Variants in PREX1 observed in about 807,000 individuals in gnomAD.
PREX1 encodes phosphatidylinositol 3,4,5-trisphosphate-dependent Rac exchanger 1 protein.
PREX1 carries 41 observed loss-of-function variants against 198.3 expected under a neutral mutation model. The ratio of observed to expected loss-of-function variants is 0.21; its 90% confidence interval spans 0.16 to 0.27. The LOEUF (loss-of-function observed/expected upper bound fraction) is 0.27, where lower values mean the gene tolerates loss of function less well. PREX1 is among the 10% of genes least tolerant of loss of function. The pLI is 1.00. For missense variants in PREX1, 1,620 were observed against 2,200.7 expected, an observed-to-expected ratio of 0.74 and a Z score of 5.28; for synonymous variants, 843 against 887.2, an observed-to-expected ratio of 0.95 and a Z score of 0.89.
At chr20:48,838,490 C>A in the PREX1 span, among the ~76,000 whole-genome samples, 1 of 152,094 alleles carries the variant, frequency 6.6e-6, no homozygotes, top group Non-Finnish European at 1.5e-5. Flanking sequence ...AACCTAAATT[C>A]TCACAAGTAA....
the PREX1 span, among the ~76,000 whole-genome samples, chr20:48,874,768 G>A: frequency 5.3e-5 from 8 of 151,892 alleles, no homozygotes; most frequent in South Asian, 2.1e-4. Context: ...TCCCAGCTAC[G>A]GGGGAGGCTG....
At chr20:48,681,030 C>T (rs531511687) in intron 11 of PREX1, among the ~76,000 whole-genome samples, 1 of 152,314 alleles carries the variant, frequency 6.6e-6, no homozygotes, top group South Asian at 2.1e-4. Context: ...TCCCCTGCCC[C>T]CAGGTTTTTG....
At chr20:48,652,874 G>A (rs1309532747) in intron 20 of PREX1, among the ~76,000 whole-genome samples, 168 bp from the exon 21 acceptor site, 2 of 152,134 alleles carry the variant, frequency 1.3e-5, no homozygotes, top group Admixed American at 6.5e-5. Flanking sequence ...AGAAGCCAGG[G>A]GATGTGAAAA....
rs558477738 is a variant in PREX1, at chr20:48,659,837, T to C, written c.1881+82A>G. ...ACTCCAAGCTGAGCCCCCTTCCCTG[T>C]GCATAACCAGAAGGTCGCCCAGCTC... is the stretch of plus-strand genomic sequence containing the variant. On this transcript the variant is annotated intron_variant, in intron 16 of 39. Transcript: ENST00000371941. The C allele has an allele frequency of 2.3e-4, 359 of 1,587,490 alleles. 1 individual carries two copies. Among genetic ancestry groups the C allele is most frequent in the Non-Finnish European group, 3.1e-4 (356 of 1,161,206 alleles).
At chr20:48,801,786 G>A (rs543563096) in intron 1 of PREX1, among the ~76,000 whole-genome samples, 1 of 152,196 alleles carries the variant, frequency 6.6e-6, no homozygotes, top group Admixed American at 6.5e-5. Flanking sequence ...GGGTCGCATG[G>A]GAGGTGTTTG....
chr20:48,794,542 C>T (rs905932189), intron 1 of PREX1, among the ~76,000 whole-genome samples: 3 of 152,210 alleles, frequency 2.0e-5, no homozygotes, highest in Non-Finnish European at 4.4e-5. Context: ...CAGGAGCCCC[C>T]ATCAGTGGGT....
chr20:48,707,813 T>C (rs937078280), intron 6 of PREX1, among the ~76,000 whole-genome samples: 5 of 152,176 alleles, frequency 3.3e-5, no homozygotes, highest in African/African-American at 1.2e-4. Context: ...CAGATGAGGA[T>C]ACTGAAGTTC....
chr20:48,639,430 A>G (rs1050083170), intron 30 of PREX1, among the ~76,000 whole-genome samples: 5 of 152,208 alleles, frequency 3.3e-5, no homozygotes, highest in African/African-American at 1.2e-4. Flanking sequence ...TAATAACAGG[A>G]ACTCACACAT....
intron 15 of PREX1, among the ~76,000 whole-genome samples, chr20:48,663,731 C>T (rs1490525516): frequency 1.3e-5 from 2 of 152,206 alleles, no homozygotes; most frequent in Non-Finnish European, 2.9e-5. Context: ...GCCAAAAGGC[C>T]TTCTTGTGGC....
At chr20:48,790,350 A>G (rs1248631340) in intron 1 of PREX1, among the ~76,000 whole-genome samples, 3 of 152,160 alleles carry the variant, frequency 2.0e-5, no homozygotes, top group African/African-American at 7.2e-5. Context: ...AGCAACCTCA[A>G]GTTCCACGAG....
At chr20:48,664,524 C>T (rs1470328693) in intron 15 of PREX1, among the ~76,000 whole-genome samples, 1 of 152,200 alleles carries the variant, frequency 6.6e-6, no homozygotes, top group Non-Finnish European at 1.5e-5. Flanking sequence ...GCAGGCAGGG[C>T]ACCCTGGCAA....
Position 48,783,557 on chromosome 20 carries a change from G to A in PREX1, c.220-35677C>T, listed in dbSNP as rs562214521. ...AAGTGACATCACCAGGAAGAGAAGA[G>A]GCCCACAGGTGGGGGCTGGCACCCC... is the stretch of plus-strand genomic sequence containing the variant. On this transcript the variant is annotated intron_variant, in intron 1 of 39. Coordinates refer to ENST00000371941, the MANE Select transcript of PREX1 (RefSeq NM_020820.4). 8.7e-4 allele frequency among the ~76,000 whole-genome samples: 132 copies of A among 152,252 alleles called. 2 individuals are homozygous for A. Among genetic ancestry groups the A allele is most frequent in the South Asian group, 7.2e-3 (35 of 4,828 alleles).
chr20:48,638,796 T>G (rs940383943), intron 30 of PREX1, among the ~76,000 whole-genome samples: 3 of 152,164 alleles, frequency 2.0e-5, no homozygotes, highest in African/African-American at 7.2e-5. Context: ...GAGGCAGCAC[T>G]GTGGGCCCAT....
intron 36 of PREX1, among the ~76,000 whole-genome samples, chr20:48,630,338 C>T (rs1414779080): frequency 6.6e-6 from 1 of 152,224 alleles, no homozygotes; most frequent in Non-Finnish European, 1.5e-5. Flanking sequence ...CCCATTCCTC[C>T]AGAAAAGCTG....
At chr20:48,796,109 C>T (rs2090361290) in intron 1 of PREX1, among the ~76,000 whole-genome samples, 1 of 152,120 alleles carries the variant, frequency 6.6e-6, no homozygotes, top group African/African-American at 2.4e-5. Flanking sequence ...AAGAAGAATG[C>T]ATTTGTATTT....
At chr20:48,747,042 T>C (rs183559880) in intron 2 of PREX1, among the ~76,000 whole-genome samples, 4 of 149,848 alleles carry the variant, frequency 2.7e-5, no homozygotes, top group East Asian at 4.0e-4. Flanking sequence ...TGCAGAGACC[T>C]TGAGCAAGTC....
rs1231588003 is a variant in PREX1 at position 48,827,424 on chromosome 20, G to C, written c.219+218C>G. On this transcript the variant is annotated intron_variant, in intron 1 of 39. Coordinates refer to ENST00000371941, the MANE Select transcript of PREX1 (RefSeq NM_020820.4). This position sits in a 1 kb window ranked among gnomAD's most constrained non-coding sequence, Gnocchi z 4.1. ...CGCGCGCCGCGGGGAAGTGGAGTGC[G>C]GGAGAGCCCCGGTCGGAGCAGGACC... is the stretch of plus-strand genomic sequence containing the variant. Among the ~76,000 whole-genome samples, 4 of 152,176 alleles carry C rather than the reference G, an allele frequency of 2.6e-5. No individual in the cohort carries two copies. Among genetic ancestry groups the C allele is most frequent in the African/African-American group, 9.6e-5 (4 of 41,452 alleles).
rs764273404 is a variant in PREX1 at position 48,679,729 on chromosome 20, A to C, written c.1461T>G (p.Asn487Lys). The C allele has an allele frequency of 6.2e-7, 1 of 1,613,526 alleles. No homozygotes were observed. The highest frequency in any genetic ancestry group is 8.5e-7 in the Non-Finnish European group (1 of 1,179,466). ...AGCGGAAGCGATACATCACCTGCTC[A>C]TTCTTGAACTGGTGCTTGTCGGAAA... ...HHVSDKHQFK[N>K]EQVMYRFRYD... Residue 487 changes from asparagine (N) to lysine (K), a missense_variant, in exon 12 of 40, where the codon AAT becomes AAG. By Grantham distance (94) the Asn-to-Lys change is moderately conservative. Around this residue, in one of 7 missense-constraint regions of PREX1, gnomAD observed 488 missense variants for 802.5 expected, o/e 0.61. Transcript: ENST00000371941.
the PREX1 span, among the ~76,000 whole-genome samples, chr20:48,869,710 T>C: frequency 6.6e-6 from 1 of 152,172 alleles, no homozygotes; most frequent in Non-Finnish European, 1.5e-5. Flanking sequence ...TGGATGAAGC[T>C]GGAAGCTATC....
Sources: allele counts gnomAD v4.1 joint callset (sites outside exome capture counted in the v4.1 genomes callset), GRCh38; gene constraint gnomAD v4.1.1; regional missense constraint gnomAD v4.1.1; non-coding constraint Gnocchi (gnomAD v3.1); transcripts MANE v1.5; gene names NCBI Gene and HGNC (gene_info 2026-07-23, HGNC 2026-07-21).